The following MPHOSPH9 variants were observed in gnomAD, a reference collection of about 807,000 sequenced individuals.
MPHOSPH9 encodes M-phase phosphoprotein 9.
In MPHOSPH9, 88 loss-of-function variants were observed where a neutral mutation model predicts 145.5. The observed-to-expected ratio is 0.60, with a 90% CI of 0.51 to 0.72. The LOEUF (loss-of-function observed/expected upper bound fraction) is 0.72. MPHOSPH9 is among the 30% of genes least tolerant of loss of function. The pLI is 0.00. For missense variants in MPHOSPH9, 1,238 were observed against 1,386.6 expected (o/e 0.89, Z 1.70); for synonymous variants, 435 against 486.2 (o/e 0.89, Z 1.39).
chr12:123,193,545 A>C (rs1463537969), intron 13 of MPHOSPH9, among the ~76,000 whole-genome samples: 2 of 152,082 alleles, frequency 1.3e-5, no homozygotes, highest in East Asian at 3.9e-4. Context: ...AGCTACTCAG[A>C]AGGCTGAAAG....
At chr12:123,163,925 A>G (rs1228769494) in intron 19 of MPHOSPH9, 25 bp downstream of exon 19, 2 of 1,612,642 alleles carry the variant, frequency 1.2e-6, no homozygotes, top group African/African-American at 1.3e-5. Context: ...TTTGAACCCA[A>G]GAGATGTACA....
At chr12:123,220,101 G>C (rs1397973692) in intron 5 of MPHOSPH9, among the ~76,000 whole-genome samples, 1 of 152,040 alleles carries the variant, frequency 6.6e-6, no homozygotes, top group East Asian at 1.9e-4. Flanking sequence ...GGCTGAGGCA[G>C]GAGAATCATA....
At chr12:123,200,527 T>A (rs933841700) in intron 11 of MPHOSPH9, among the ~76,000 whole-genome samples, 3 of 152,184 alleles carry the variant, frequency 2.0e-5, no homozygotes, top group African/African-American at 7.2e-5. Context: ...GTCATAAAAA[T>A]GTTTTGACTG....
chr12:123,178,878 C>T (rs2044998411), intron 15 of MPHOSPH9, among the ~76,000 whole-genome samples: 1 of 152,100 alleles, frequency 6.6e-6, no homozygotes, highest in South Asian at 2.1e-4. Flanking sequence ...CGATTCTGTC[C>T]CTACCTAATT....
intron 2 of MPHOSPH9, among the ~76,000 whole-genome samples, chr12:123,228,627 G>A (rs986439285): frequency 3.9e-5 from 6 of 152,162 alleles, no homozygotes; most frequent in South Asian, 2.1e-4. Flanking sequence ...CACGGAGATC[G>A]CAATGAGCTG....
intron 16 of MPHOSPH9, among the ~76,000 whole-genome samples, chr12:123,169,321 C>T (rs1278092977): frequency 6.6e-6 from 1 of 151,518 alleles, no homozygotes; most frequent in Admixed American, 6.6e-5. Flanking sequence ...TGGTGAAACC[C>T]CGTCTCTACT....
At chr12:123,214,492 G>A (rs1043155793) in intron 7 of MPHOSPH9, among the ~76,000 whole-genome samples, 14 of 152,070 alleles carry the variant, frequency 9.2e-5, no homozygotes, top group African/African-American at 2.7e-4. Flanking sequence ...AGCTGTGATC[G>A]CACCACTGCA....
rs759163661 is a variant in MPHOSPH9 at position 123,203,004 on chromosome 12, G to A, written c.1401C>T (p.Ala467=). Residue 467 remains alanine (A), a synonymous_variant, in exon 10 of 24, where the codon GCC becomes GCT. Transcript: ENST00000606320. ...GGGAAAAGGATATTCTGTCATCAAG[G>A]GCATTCGGAAGGCCGTGAGGTTGAA... ...SGIQPHGLPN[A]LDDRISFSPD... is the part of the protein sequence containing the mutation. 3 of 1,614,160 alleles carry A rather than the reference G, an allele frequency of 1.9e-6. No homozygotes were observed. The East Asian group carries it at 6.7e-5, about 36-fold the overall frequency.
intron 8 of MPHOSPH9, among the ~76,000 whole-genome samples, chr12:123,206,981 A>G (rs1238161347): frequency 6.6e-6 from 1 of 151,970 alleles, no homozygotes; most frequent in East Asian, 1.9e-4. Flanking sequence ...GTGGGAGACC[A>G]AAGCAGGGGA....
chr12:123,185,569 C>T (rs1288229833), intron 13 of MPHOSPH9, among the ~76,000 whole-genome samples: 2 of 151,942 alleles, frequency 1.3e-5, no homozygotes, highest in African/African-American at 4.8e-5. Flanking sequence ...CATAGTGAGA[C>T]CGCATCTCTA....
At position 123,163,108 on chromosome 12, in the gene MPHOSPH9, C is replaced by T. The variant is rs780347495; in HGVS notation, c.2935G>A (p.Val979Met). ...PTKREIMLTP[V>M]TVAYSPKRSP... Reference sequence around the variant, plus strand: ...CGCTTTGGACTATAAGCCACAGTCACTGGTGTTAGCATAATCTCTCTTTTT... The same window carrying T: ...CGCTTTGGACTATAAGCCACAGTCATTGGTGTTAGCATAATCTCTCTTTTT... The change falls in exon 20 of 24, where the codon GTG becomes ATG. Residue 979 changes from valine to methionine, a missense_variant. Around this residue, in one of 3 missense-constraint regions of MPHOSPH9, gnomAD observed 393 missense variants for 462.5 expected, o/e 0.85. Transcript: ENST00000606320. The T allele has an allele frequency of 4.4e-6, 7 of 1,587,138 alleles. No individual in the cohort carries two copies. In the South Asian group the frequency reaches 4.7e-5, roughly 11 times the overall value.
At chr12:123,157,436 C>A (rs1429443492) in intron 23 of MPHOSPH9, among the ~76,000 whole-genome samples, 1 of 149,726 alleles carries the variant, frequency 6.7e-6, no homozygotes, top group Non-Finnish European at 1.5e-5. Flanking sequence ...TTAAAATAAA[C>A]AATATTACTG....
intron 2 of MPHOSPH9, 66 bp from the exon 3 acceptor site, chr12:123,227,682 T>C: frequency 6.6e-6 from 9 of 1,358,278 alleles, no homozygotes; most frequent in Non-Finnish European, 8.7e-6. Context: ...AATTCAGCAG[T>C]TCAAGATTTA....
At position 123,202,496 on chromosome 12, in the gene MPHOSPH9, A is replaced by C. The variant is rs548650875; in HGVS notation, c.1781+128T>G. On this transcript the variant is annotated intron_variant, in intron 10 of 23. Coordinates refer to ENST00000606320, the MANE Select transcript of MPHOSPH9 (RefSeq NM_022782.4). ...TTAACAATCAAGTGAAAAAGTTTTT[A>C]TATGCTCCATCTTAAAAATGCTAAA... is the stretch of plus-strand genomic sequence containing the variant. The C allele has an allele frequency of 1.6e-5, 19 of 1,207,446 alleles. No homozygotes were observed. The South Asian group carries it at 3.0e-4, about 19-fold the overall frequency. 74.8% of individuals were successfully genotyped at this position (1,207,446 alleles called of 1,614,324 possible). A position where few individuals can be genotyped will look rare whatever the true frequency, so the allele number is the denominator to read the frequency against.
chr12:123,214,111 G>A (rs1158379437), intron 7 of MPHOSPH9, among the ~76,000 whole-genome samples: 1 of 152,128 alleles, frequency 6.6e-6, no homozygotes, highest in African/African-American at 2.4e-5. Context: ...GGAGTGTAAA[G>A]GATGGCTCAG....
At chr12:123,237,999 CATT>C (rs2047877882), upstream of MPHOSPH9, among the ~76,000 whole-genome samples, 1 of 151,988 alleles carries the variant, frequency 6.6e-6, no homozygotes, top group Non-Finnish European at 1.5e-5. Flanking sequence ...AGGTTGAATC[CATT>C]ATTCTGCTGC....
At position 123,181,224 on chromosome 12, in the gene MPHOSPH9, C is replaced by CA. The variant is rs561252978; in HGVS notation, c.2242-15dup. ...CTCTCCTAAAAGCTACAAGGAAAAACAAAAAAAAATTATACCACAAAATTA... is the reference window on the plus strand; with the variant it reads ...CTCTCCTAAAAGCTACAAGGAAAAACAAAAAAAAAATTATACCACAAAATTA... On this transcript the variant is annotated splice_polypyrimidine_tract_variant and intron_variant, in intron 13 of 23. Transcript: ENST00000606320. The CA allele has an allele frequency of 2.3e-4, 359 of 1,585,098 alleles. No homozygotes were observed. Among genetic ancestry groups the CA allele is most frequent in the East Asian group, 1.6e-3 (72 of 44,358 alleles).
At chr12:123,189,118 A>G (rs1471328657) in intron 13 of MPHOSPH9, among the ~76,000 whole-genome samples, 1 of 152,182 alleles carries the variant, frequency 6.6e-6, no homozygotes, top group African/African-American at 2.4e-5. Context: ...AGCTGTTGGG[A>G]TGCTCTTTCA....
At chr12:123,209,975 A>G in intron 8 of MPHOSPH9, 81 bp downstream of exon 8, 1 of 835,442 alleles carries the variant, frequency 1.2e-6, no homozygotes, top group South Asian at 1.8e-5. Context: ...TGACCTCATG[A>G]TCCGCCCACC....
Sources: allele counts gnomAD v4.1 joint callset (sites outside exome capture counted in the v4.1 genomes callset), GRCh38; gene constraint gnomAD v4.1.1; regional missense constraint gnomAD v4.1.1; transcripts MANE v1.5; gene names NCBI Gene and HGNC (gene_info 2026-07-23, HGNC 2026-07-21).